CENPC: variants seen among roughly 807,000 people sequenced by gnomAD.
CENPC encodes the protein CENP-C 1.
CENPC carries 63 observed loss-of-function variants against 112.1 expected under a neutral mutation model. The ratio of observed to expected loss-of-function variants is 0.56; its 90% CI spans 0.46 to 0.69. The LOEUF is 0.69. CENPC is among the 30% of genes least tolerant of loss of function. The probability of loss-of-function intolerance (pLI) is 0.00; values close to 1 mark genes in which losing one functional copy is unlikely to be tolerated. For missense variants in CENPC, 1,000 were observed against 1,103.8 expected (o/e 0.91, Z 1.33); for synonymous variants, 333 against 367.6 (o/e 0.91, Z 1.08).
intron 4 of CENPC, among the ~76,000 whole-genome samples, chr4:67,535,367 A>C (rs752775278): frequency 6.6e-6 from 1 of 151,960 alleles, no homozygotes; most frequent in Non-Finnish European, 1.5e-5. Context: ...TCAGGAGAAA[A>C]GCAAAGGGAC....
chr4:67,482,211 C>A (rs111274335), intron 17 of CENPC, among the ~76,000 whole-genome samples: 108 of 152,274 alleles, frequency 7.1e-4, no homozygotes, highest in African/African-American at 2.4e-3. Context: ...ATCGAAACCA[C>A]AATGAGATAC....
chr4:67,514,081 T>G lies in CENPC; in HGVS notation c.1437A>C (p.Pro479=), dbSNP rs1429192731. 6.3e-7 allele frequency: 1 copy of G among 1,590,504 alleles called. No individual in the cohort carries two copies. The highest frequency in any genetic ancestry group is 8.5e-7 in the Non-Finnish European group (1 of 1,171,896). The change falls in exon 8 of 19, where the codon CCA becomes CCC. Residue 479 remains proline, a synonymous_variant. Transcript: ENST00000273853. ...GNDCVSKKQM[P]PVGSKKSSTR... is the part of the protein sequence containing the mutation. ...TTTAATATAAACACTTACCCACAGG[T>G]GGCATCTGTTTTTTGGAAACACAAT...
chr4:67,545,335 TA>T lies in CENPC; in HGVS notation c.18+2del. 3 of 1,519,794 alleles carry T rather than the reference TA, an allele frequency of 2.0e-6. No homozygotes were observed. Among genetic ancestry groups the T allele is most frequent in the Non-Finnish European group, 2.7e-6 (3 of 1,129,704 alleles). The allele number at this position is 1,519,794 out of a possible 1,614,324, so 94.1% of individuals were successfully genotyped here. ...TCGCCTGGAGCGGGGGGCCTGCACT[TA>T]CCAGACCGGACGCAGCCATGTTCCG... On this transcript the variant is annotated splice_donor_variant, in intron 1 of 18. Transcript: ENST00000273853. LOFTEE classifies it high-confidence loss of function.
rs776166045 is a variant in CENPC at position 67,506,976 on chromosome 4, A to T, written c.1905-42T>A. On this transcript the variant is annotated intron_variant, in intron 10 of 18. Transcript: ENST00000273853. ...TGTATGAGTGTTTATACTTCTTCAA[A>T]ATAAAATTTTCTTCCAGAAACGATA... The T allele has an allele frequency of 6.6e-6, 10 of 1,504,574 alleles. No homozygotes were observed. In the East Asian group the frequency reaches 2.3e-4, roughly 34 times the overall value. The allele number at this position is 1,504,574 out of a possible 1,614,324, so 93.2% of individuals were successfully genotyped here. A position where few individuals can be genotyped will look rare whatever the true frequency, so the allele number is the denominator to read the frequency against.
intron 4 of CENPC, 146 bp downstream of exon 4, chr4:67,539,694 C>T: frequency 2.2e-6 from 1 of 451,874 alleles, no homozygotes; most frequent in South Asian, 5.0e-5. Flanking sequence ...CACAAAATAC[C>T]TCCAAATTTT....
intron 17 of CENPC, among the ~76,000 whole-genome samples, chr4:67,486,028 C>T (rs1489646226): frequency 6.6e-6 from 1 of 151,746 alleles, no homozygotes; most frequent in Non-Finnish European, 1.5e-5. Flanking sequence ...CTTAATAAGA[C>T]AAAAAAAGTT....
intron 12 of CENPC, among the ~76,000 whole-genome samples, chr4:67,498,210 G>A (rs921210945): frequency 2.6e-5 from 4 of 152,090 alleles, no homozygotes; most frequent in African/African-American, 7.2e-5. Context: ...ACTCCAGCCT[G>A]GGTATTAGAG....
intron 10 of CENPC, among the ~76,000 whole-genome samples, chr4:67,508,513 T>TTAA (rs370105417): frequency 1.1e-5 from 1 of 91,180 alleles, no homozygotes; most frequent in Non-Finnish European, 2.0e-5. Context: ...CTCTGTCTCT[T>TTAA]AAAAAAAAAA....
chr4:67,537,513 C>T (rs1271894306), intron 4 of CENPC, among the ~76,000 whole-genome samples: 1 of 151,960 alleles, frequency 6.6e-6, no homozygotes, highest in Non-Finnish European at 1.5e-5. Flanking sequence ...TTTAAAATGG[C>T]CGGGTGCGGT....
intron 5 of CENPC, among the ~76,000 whole-genome samples, chr4:67,525,076 A>C (rs752083020): frequency 2.0e-5 from 3 of 152,200 alleles, no homozygotes; most frequent in Non-Finnish European, 4.4e-5. Flanking sequence ...AGCAATGAGG[A>C]AAGGATTCTC....
In CENPC at chr4:67,514,690, G is replaced by A. The variant is rs1263556561; in HGVS notation, c.831-3C>T. The A allele has an allele frequency of 1.2e-6, 2 of 1,600,212 alleles. No homozygotes were observed. Among genetic ancestry groups the A allele is most frequent in the East Asian group, 4.5e-5 (2 of 44,402 alleles). On this transcript the variant is annotated splice_polypyrimidine_tract_variant and splice_region_variant and intron_variant, in intron 7 of 18. Coordinates refer to ENST00000273853, the MANE Select transcript of CENPC (RefSeq NM_001812.4). Reference sequence around the variant, plus strand: ...TTGCCGCATGCCTAACAATGGGACTGAAACAGGGTGATACTTTTAACAGTT... The same window carrying A: ...TTGCCGCATGCCTAACAATGGGACTAAAACAGGGTGATACTTTTAACAGTT...
rs765735983 is a variant in CENPC at position 67,519,212 on chromosome 4, G to A, written c.617+5C>T. 2.8e-5 allele frequency: 43 copies of A among 1,521,570 alleles called. No individual in the cohort carries two copies. Among genetic ancestry groups the A allele is most frequent in the Non-Finnish European group, 3.8e-5 (43 of 1,132,370 alleles). 94.3% of individuals were successfully genotyped at this position (1,521,570 alleles called of 1,614,324 possible). On this transcript the variant is annotated splice_donor_5th_base_variant and intron_variant, in intron 6 of 18. Coordinates refer to ENST00000273853, the MANE Select transcript of CENPC (RefSeq NM_001812.4). Reference sequence around the variant, plus strand: ...TGCGTTAACATTATTTAAATAAAATGTTACCTTTTTTTGGTTTTAACTGAA... The same window carrying A: ...TGCGTTAACATTATTTAAATAAAATATTACCTTTTTTTGGTTTTAACTGAA...
chr4:67,534,346 G>A (rs2646267), intron 4 of CENPC, among the ~76,000 whole-genome samples: 95,282 of 151,370 alleles, frequency 0.63, 30,188 homozygotes, highest in East Asian at 0.81. Flanking sequence ...AACCCGGGAG[G>A]CAGAGATTGC....
intron 12 of CENPC, among the ~76,000 whole-genome samples, chr4:67,503,222 C>T (rs1283542294): frequency 6.6e-6 from 1 of 152,124 alleles, no homozygotes; most frequent in East Asian, 1.9e-4. Flanking sequence ...CTGCTCTAAC[C>T]CTCTGGCCTT....
In CENPC at chr4:67,512,394, ATACT is replaced by A. The variant is rs753958847; in HGVS notation, c.1612+4_1612+7del. 6.4e-7 allele frequency: 1 copy of A among 1,563,076 alleles called. No homozygotes were observed. Among genetic ancestry groups the A allele is most frequent in the South Asian group, 1.2e-5 (1 of 82,564 alleles). ...ATGAACAAACACAATTTAAATAAAA[ATACT>A]TACTCTCCTCTGATTTTACCACCCA... On this transcript the variant is annotated splice_donor_5th_base_variant and intron_variant, in intron 9 of 18. Coordinates refer to ENST00000273853, the MANE Select transcript of CENPC (RefSeq NM_001812.4).
chr4:67,501,708 T>C (rs1347858327), intron 12 of CENPC, among the ~76,000 whole-genome samples: 3 of 152,216 alleles, frequency 2.0e-5, no homozygotes, highest in Non-Finnish European at 4.4e-5. Context: ...TCGAGGGTAG[T>C]TATATCCTTG....
intron 5 of CENPC, among the ~76,000 whole-genome samples, chr4:67,529,179 G>A (rs572704254): frequency 6.6e-6 from 1 of 151,930 alleles, no homozygotes; most frequent in African/African-American, 2.4e-5. Context: ...TGGGTTGTTT[G>A]GTTTTTCTGT....
intron 5 of CENPC, among the ~76,000 whole-genome samples, chr4:67,526,907 TC>T (rs1215506298): frequency 1.1e-4 from 16 of 152,194 alleles, no homozygotes; most frequent in African/African-American, 3.9e-4. Context: ...AAACAAATCT[TC>T]ATAAATGTAG....
At chr4:67,522,525 A>C (rs1726256688) in intron 5 of CENPC, among the ~76,000 whole-genome samples, 1 of 152,228 alleles carries the variant, frequency 6.6e-6, no homozygotes, top group African/African-American at 2.4e-5. Flanking sequence ...GGAGAGAATA[A>C]GAAAGACAGG....
Sources: allele counts gnomAD v4.1 joint callset (sites outside exome capture counted in the v4.1 genomes callset), GRCh38; gene constraint gnomAD v4.1.1; transcripts MANE v1.5; gene names NCBI Gene and HGNC (gene_info 2026-07-23, HGNC 2026-07-21).